The following UBE2D2 variants were observed in gnomAD, a reference collection of about 807,000 sequenced individuals.
UBE2D2 encodes the protein ubiquitin conjugating enzyme E2 D2.
A neutral mutation model predicts 24.2 loss-of-function variants in UBE2D2; 2 were observed. The ratio of observed to expected loss-of-function variants is 0.08; its 90% CI spans 0.03 to 0.26. UBE2D2 has a LOEUF of 0.26. Among genes scored for constraint, UBE2D2 ranks in the 10% least tolerant of loss-of-function variants. The probability of loss-of-function intolerance (pLI) is 1.00; values close to 1 mark genes in which losing one functional copy is unlikely to be tolerated. For missense variants in UBE2D2, 44 were observed against 177.6 expected (o/e 0.25, Z 4.28); for synonymous variants, 58 against 56.5 (o/e 1.03, Z -0.12).
chr5:139,574,735 C>CAAAAAAAAAAAAAAAAA (rs75539434), intron 1 of UBE2D2, among the ~76,000 whole-genome samples: 6 of 70,738 alleles, frequency 8.5e-5, no homozygotes, highest in African/African-American at 1.9e-4. Context: ...GGTGGGGTGG[C>CAAAAAAAAAAAAAAAAA]AAAAAAAAAA....
intron 1 of UBE2D2, among the ~76,000 whole-genome samples, chr5:139,580,004 C>T (rs535056570): frequency 6.6e-6 from 1 of 151,636 alleles, no homozygotes; most frequent in South Asian, 2.1e-4. Context: ...TGAGATCATG[C>T]CGTTGCACAC....
chr5:139,605,731 G>C (rs1754184311), intron 2 of UBE2D2, among the ~76,000 whole-genome samples: 1 of 111,108 alleles, frequency 9.0e-6, no homozygotes. Context: ...CTTCTCCCTC[G>C]TCTTCCTCTC....
intron 1 of UBE2D2, among the ~76,000 whole-genome samples, chr5:139,577,226 T>TTTCATGGA (rs1753493380): frequency 7.2e-5 from 11 of 152,048 alleles, no homozygotes. Context: ...AAAGTATTAC[T>TTTCATGGA]TTTAAGTTTC....
At chr5:139,568,925 G>A (rs1488739103) in intron 1 of UBE2D2, among the ~76,000 whole-genome samples, 2 of 151,980 alleles carry the variant, frequency 1.3e-5, no homozygotes, top group South Asian at 4.1e-4. Context: ...AGCTGAGATC[G>A]CACCACTGCA....
rs1476259186 is a variant in UBE2D2 at position 139,545,183 on chromosome 5, T to C, written c.-64+18571T>C. ...ATGGTGGAATAGTATTCCATAGTATTAATTATGGTAATCTAATTAACTTTT... is the reference window on the plus strand; with the variant it reads ...ATGGTGGAATAGTATTCCATAGTATCAATTATGGTAATCTAATTAACTTTT... On this transcript the variant is annotated intron_variant, in intron 1 of 6. Coordinates refer to the UBE2D2 transcript ENST00000511725. Among the ~76,000 whole-genome samples, 3 of 152,284 alleles carry C rather than the reference T, an allele frequency of 2.0e-5. No individual in the cohort carries two copies. In the East Asian group the frequency reaches 5.8e-4, roughly 29 times the overall value.
At chr5:139,544,567 G>A (rs1752800116) in intron 1 of UBE2D2, among the ~76,000 whole-genome samples, 1 of 151,252 alleles carries the variant, frequency 6.6e-6, no homozygotes. Flanking sequence ...TGGTATTACA[G>A]GCGTGAGCCA....
intron 1 of UBE2D2, among the ~76,000 whole-genome samples, chr5:139,595,483 A>T (rs977138008): frequency 1.3e-5 from 2 of 151,938 alleles, no homozygotes; most frequent in African/African-American, 4.8e-5. Flanking sequence ...GGTTCAAGCG[A>T]TTCTCCTGCC....
chr5:139,586,752 G>A (rs865865180), intron 1 of UBE2D2, among the ~76,000 whole-genome samples: 3 of 151,768 alleles, frequency 2.0e-5, no homozygotes, highest in Non-Finnish European at 4.4e-5. Context: ...GCGACAGAGC[G>A]AGACTCCGTC....
At chr5:139,590,335 G>A (rs906249244) in intron 1 of UBE2D2, among the ~76,000 whole-genome samples, 2 of 151,232 alleles carry the variant, frequency 1.3e-5, no homozygotes, top group Non-Finnish European at 2.9e-5. Flanking sequence ...CCTGGGAGGC[G>A]GCTGCAGGAG....
At chr5:139,555,758 G>A (rs1399308159) in intron 1 of UBE2D2, among the ~76,000 whole-genome samples, 1 of 150,942 alleles carries the variant, frequency 6.6e-6, no homozygotes, top group Non-Finnish European at 1.5e-5. Context: ...GAAACCCTGT[G>A]TCTACTAAAA....
At chr5:139,584,301 C>CT (rs1459035000) in intron 1 of UBE2D2, among the ~76,000 whole-genome samples, 13 of 152,118 alleles carry the variant, frequency 8.5e-5, no homozygotes, top group Non-Finnish European at 1.6e-4. Context: ...AGCAATAAGG[C>CT]TGTATACCAT....
intron 1 of UBE2D2, among the ~76,000 whole-genome samples, chr5:139,585,728 GTC>G (rs767862392): frequency 2.0e-5 from 3 of 151,958 alleles, no homozygotes; most frequent in African/African-American, 7.3e-5. Flanking sequence ...GATATACCTT[GTC>G]TCTCATTCAA....
At chr5:139,590,099 C>T (rs1581513807) in intron 1 of UBE2D2, among the ~76,000 whole-genome samples, 2 of 151,976 alleles carry the variant, frequency 1.3e-5, no homozygotes, top group East Asian at 3.9e-4. Context: ...TTGGTACTTT[C>T]TAGTTAAAAT....
chr5:139,591,413 C>T (rs1438000449), intron 1 of UBE2D2, among the ~76,000 whole-genome samples: 2 of 152,112 alleles, frequency 1.3e-5, no homozygotes, highest in Admixed American at 1.3e-4. Flanking sequence ...AGCCACCGCA[C>T]CTGACCCATG....
intron 1 of UBE2D2, among the ~76,000 whole-genome samples, chr5:139,577,202 A>C (rs570606167): frequency 9.3e-4 from 142 of 152,186 alleles, no homozygotes; most frequent in Admixed American, 1.6e-3. Flanking sequence ...GCTTTGAAAG[A>C]GTAAAGTCCA....
chr5:139,573,623 A>C (rs549042981), intron 1 of UBE2D2, among the ~76,000 whole-genome samples: 33 of 152,128 alleles, frequency 2.2e-4, no homozygotes, highest in African/African-American at 7.5e-4. Flanking sequence ...GTTTATTTTG[A>C]AATAATACGA....
intron 1 of UBE2D2, among the ~76,000 whole-genome samples, chr5:139,542,862 TTC>T (rs1752776719): frequency 6.6e-6 from 1 of 152,198 alleles, no homozygotes; most frequent in South Asian, 2.1e-4. Flanking sequence ...ATGGGTTTGT[TTC>T]TGTGTTGTTT....
At chr5:139,576,525 C>T (rs965773213) in intron 1 of UBE2D2, among the ~76,000 whole-genome samples, 4 of 152,082 alleles carry the variant, frequency 2.6e-5, no homozygotes, top group South Asian at 2.1e-4. Context: ...CGTGCCACCA[C>T]GCCCGGCAAA....
intron 1 of UBE2D2, among the ~76,000 whole-genome samples, chr5:139,590,454 A>G (rs908064055): frequency 1.3e-5 from 2 of 151,802 alleles, no homozygotes; most frequent in Admixed American, 6.6e-5. Context: ...AAAAAAAAAA[A>G]AAAGAAAGAA....
Sources: gnomAD v4.1 joint callset for allele counts (sites outside exome capture counted in the v4.1 genomes callset) on GRCh38, gnomAD v4.1.1 for gene constraint, MANE v1.5 for transcripts, NCBI Gene and HGNC (gene_info 2026-07-23, HGNC 2026-07-21) for gene names.